Variants in SPOCK3 observed in about 807,000 individuals in gnomAD.
SPOCK3 encodes the protein testican-3.
In SPOCK3, 30 loss-of-function variants were observed where a neutral mutation model predicts 56.6. That is an observed-to-expected ratio of 0.53 (90% CI 0.40 to 0.72). The LOEUF is 0.72. SPOCK3 is among the 30% of genes least tolerant of loss of function. The pLI is 0.00. For synonymous variants in SPOCK3, 196 were observed against 183.3 expected (o/e 1.07, Z -0.56); for missense variants, 527 against 530.0 (o/e 0.99, Z 0.06).
intron 6 of SPOCK3, among the ~76,000 whole-genome samples, chr4:166,813,781 C>T (rs1043984354): frequency 1.3e-5 from 2 of 151,736 alleles, no homozygotes; most frequent in African/African-American, 2.4e-5. Flanking sequence ...CTCATATTCT[C>T]AGACAGAGAA....
intron 6 of SPOCK3, among the ~76,000 whole-genome samples, chr4:166,856,706 G>A (rs1415138643): frequency 1.3e-5 from 2 of 151,882 alleles, no homozygotes; most frequent in African/African-American, 2.4e-5. Context: ...CCCGGGAGGC[G>A]GAGGTTGCAT....
At chr4:167,041,292 A>G (rs1753209669) in intron 3 of SPOCK3, among the ~76,000 whole-genome samples, 1 of 152,178 alleles carries the variant, frequency 6.6e-6, no homozygotes, top group Admixed American at 6.6e-5. Flanking sequence ...CTAGCTTCTA[A>G]TGGTGTGTAG....
chr4:166,934,552 C>T (rs1028991875), intron 4 of SPOCK3, among the ~76,000 whole-genome samples: 1 of 152,036 alleles, frequency 6.6e-6, no homozygotes, highest in African/African-American at 2.4e-5. Context: ...CCCAAAGATA[C>T]CCCGTGCCAG....
chr4:166,956,807 C>T (rs1743541116), intron 4 of SPOCK3, among the ~76,000 whole-genome samples: 2 of 152,064 alleles, frequency 1.3e-5, no homozygotes. Flanking sequence ...AAGTTGAGAA[C>T]CCTTCTCAAC....
At chr4:167,166,851 A>C (rs1452163930) in intron 2 of SPOCK3, among the ~76,000 whole-genome samples, 2 of 152,138 alleles carry the variant, frequency 1.3e-5, no homozygotes, top group Non-Finnish European at 2.9e-5. Flanking sequence ...ATATTAAGCC[A>C]AACTATTCTG....
intron 2 of SPOCK3, among the ~76,000 whole-genome samples, chr4:167,100,719 T>C (rs1209925847): frequency 6.6e-6 from 1 of 152,176 alleles, no homozygotes; most frequent in Non-Finnish European, 1.5e-5. Context: ...TGCTAATTAT[T>C]TAAATGTTGG....
At chr4:166,929,143 A>G (rs28446317) in intron 4 of SPOCK3, among the ~76,000 whole-genome samples, 2,406 of 150,298 alleles carry the variant, frequency 0.016, 69 homozygotes, top group African/African-American at 0.057. Flanking sequence ...CCCTCTGTTC[A>G]GTATTACTGT....
At chr4:166,768,403 C>T (rs560633922) in intron 7 of SPOCK3, among the ~76,000 whole-genome samples, 6 of 152,136 alleles carry the variant, frequency 3.9e-5, no homozygotes, top group African/African-American at 1.2e-4. Flanking sequence ...AATCCCTCAG[C>T]ATTTGCTTGT....
chr4:166,825,817 C>T (rs1424431685), intron 6 of SPOCK3, among the ~76,000 whole-genome samples: 1 of 152,004 alleles, frequency 6.6e-6, no homozygotes, highest in Non-Finnish European at 1.5e-5. Context: ...TGTATGTTCT[C>T]ACTTATAAGT....
chr4:166,970,351 T>G (rs7662556), intron 4 of SPOCK3, among the ~76,000 whole-genome samples: 28,378 of 152,184 alleles, frequency 0.19, 3,043 homozygotes, highest in African/African-American at 0.29. Flanking sequence ...TTGGAATTCT[T>G]TGTGACTCTA....
intron 2 of SPOCK3, among the ~76,000 whole-genome samples, chr4:167,229,988 A>G (rs1047061163): frequency 1.3e-5 from 2 of 152,086 alleles, no homozygotes; most frequent in Non-Finnish European, 2.9e-5. Context: ...AACTATTTGA[A>G]TTTCCATTAA....
intron 9 of SPOCK3, among the ~76,000 whole-genome samples, chr4:166,740,493 CTTAT>C (rs1289829360): frequency 7.4e-6 from 1 of 135,366 alleles, no homozygotes; most frequent in East Asian, 2.0e-4. Context: ...TATATAAGAA[CTTAT>C]TATTATTATT....
intron 4 of SPOCK3, among the ~76,000 whole-genome samples, chr4:166,996,698 A>C (rs1164248726): frequency 6.6e-6 from 1 of 152,154 alleles, no homozygotes; most frequent in African/African-American, 2.4e-5. Context: ...CCAGTTCTTC[A>C]CAGAAAAAGC....
At chr4:166,798,441 T>C (rs1440313271) in intron 6 of SPOCK3, among the ~76,000 whole-genome samples, 1 of 152,158 alleles carries the variant, frequency 6.6e-6, no homozygotes, top group African/African-American at 2.4e-5. Context: ...TTAAGAACTA[T>C]GAAGGTGGAA....
At chr4:166,871,130 A>G (rs1346645289) in intron 6 of SPOCK3, among the ~76,000 whole-genome samples, 1 of 152,110 alleles carries the variant, frequency 6.6e-6, no homozygotes, top group African/African-American at 2.4e-5. Context: ...AGAATGGACT[A>G]ATACAATTCC....
rs1029588600 is a variant in SPOCK3, at chr4:167,233,925, C to T, written c.189+60G>A. The T allele has an allele frequency of 3.4e-6, 5 of 1,483,292 alleles. No homozygotes were observed. The African/African-American group carries it at 5.5e-5, about 16-fold the overall frequency. 91.9% of individuals were successfully genotyped at this position (1,483,292 alleles called of 1,614,324 possible). ...ACTCCCCACCCACATCCGGCGGCCG[C>T]GGCCCCCGCCTCGGAGCAGCGCGCG... On this transcript the variant is annotated intron_variant, in intron 2 of 10. Coordinates refer to ENST00000357545, the MANE Select transcript of SPOCK3 (RefSeq NM_001040159.2).
At chr4:166,805,274 T>C (rs1743037696) in intron 6 of SPOCK3, among the ~76,000 whole-genome samples, 1 of 152,136 alleles carries the variant, frequency 6.6e-6, no homozygotes, top group Non-Finnish European at 1.5e-5. Flanking sequence ...AATGTTACTC[T>C]TTTTAAAAGA....
chr4:166,986,380 A>G (rs1747169245), intron 4 of SPOCK3, among the ~76,000 whole-genome samples: 1 of 152,130 alleles, frequency 6.6e-6, no homozygotes, highest in East Asian at 1.9e-4. Context: ...CTTAAATTCC[A>G]TACAATTGTG....
intron 6 of SPOCK3, among the ~76,000 whole-genome samples, chr4:166,877,204 G>T (rs1321899989): frequency 6.6e-6 from 1 of 152,040 alleles, no homozygotes; most frequent in African/African-American, 2.4e-5. Context: ...AAATTATTTT[G>T]TGTCAAAATA....
Sources: allele counts gnomAD v4.1 joint callset (sites outside exome capture counted in the v4.1 genomes callset), GRCh38; gene constraint gnomAD v4.1.1; transcripts MANE v1.5; gene names NCBI Gene and HGNC (gene_info 2026-07-23, HGNC 2026-07-21).